The following RIF1 variants were observed in gnomAD, a reference collection of about 807,000 sequenced individuals.
The protein encoded by RIF1 is telomere-associated protein RIF1.
Under a neutral mutation model 247.1 loss-of-function variants are expected in RIF1, and 45 were observed. The observed-to-expected ratio is 0.18, with a 90% CI of 0.14 to 0.23. The LOEUF (loss-of-function observed/expected upper bound fraction) is 0.23, where lower values mean the gene tolerates loss of function less well. RIF1 is among the 10% of genes least tolerant of loss of function. RIF1 has a pLI of 1.00. For synonymous variants in RIF1, 1,087 were observed against 978.8 expected, an observed-to-expected ratio of 1.11 and a Z score of -2.06; for missense variants, 2,967 against 2,862.5, an observed-to-expected ratio of 1.04 and a Z score of -0.83.
intron 10 of RIF1, chr2:151,497,497 T>C: frequency 2.0e-6 from 3 of 1,485,932 alleles, no homozygotes; most frequent in Non-Finnish European, 2.7e-6. Flanking sequence ...GAAAAAAGGA[T>C]AAATTTGCTA....
intron 16 of RIF1, among the ~76,000 whole-genome samples, chr2:151,442,767 ATTTT>A (rs59128582): frequency 0.26 from 26,485 of 103,018 alleles, 2,471 homozygotes; most frequent in Non-Finnish European, 0.34. Flanking sequence ...AAAGAGCTTG[ATTTT>A]TTTTTTTTTT....
chr2:151,510,346 A>G (rs1286710263), downstream of RIF1, among the ~76,000 whole-genome samples: 1 of 152,212 alleles, frequency 6.6e-6, no homozygotes, highest in African/African-American at 2.4e-5. Context: ...GCCTAGCCGA[A>G]ACTTTTGGTG....
In RIF1 at chr2:151,481,055, A is replaced by G. The variant is rs1243742600; in HGVS notation, c.*5984A>G. The G allele has an allele frequency of 6.6e-6, 1 of 152,166 alleles. No individual in the cohort carries two copies. The highest frequency in any genetic ancestry group is 1.5e-5 in the Non-Finnish European group (1 of 68,008). The allele number at this position is 152,166 out of a possible 1,614,324, so 9.4% of individuals were successfully genotyped here. A position where few individuals can be genotyped will look rare whatever the true frequency, so the allele number is the denominator to read the frequency against. ...AAGTTTTATTGGAACAGCTGTGCTT[A>G]TTGTCTTTAGCTGCTTTCCTGGTAC... On this transcript the variant is annotated 3_prime_UTR_variant, in exon 36 of 36. Transcript: ENST00000444746.
Position 151,480,435 on chromosome 2 carries a change from TAG to T in RIF1, c.*5370_*5371del, listed in dbSNP as rs1353959780. ...GAATTTTAATGCATAGTACATTTAG[TAG>T]AGAGACAAGCTGTCCTATATACTCC... On this transcript the variant is annotated 3_prime_UTR_variant, in exon 36 of 36. Transcript: ENST00000444746. 1 of 152,184 alleles carries T rather than the reference TAG, an allele frequency of 6.6e-6. No homozygotes were observed. Among genetic ancestry groups the T allele is most frequent in the Non-Finnish European group, 1.5e-5 (1 of 68,006 alleles). The allele number at this position is 152,184 out of a possible 1,614,324, so 9.4% of individuals were successfully genotyped here.
intron 34 of RIF1, 107 bp downstream of exon 34, chr2:151,469,971 C>T (rs1313802626): frequency 1.3e-6 from 1 of 777,412 alleles, no homozygotes. Context: ...GAAATTGATT[C>T]ATTTATTTTG....
Position 151,436,870 on chromosome 2 carries a change from C to T in RIF1, c.1239C>T (p.Asn413=), listed in dbSNP as rs770241388. 4.0e-5 allele frequency: 65 copies of T among 1,612,178 alleles called. No homozygotes were observed. In the East Asian group the frequency reaches 1.5e-3, roughly 36 times the overall value. The change falls in exon 12 of 36, where the codon AAC becomes AAT. Residue 413 remains asparagine (N), a synonymous_variant. Transcript: ENST00000444746. ...GAGCCCCGGGAACTCCCCGAATGAA[C>T]CTGAGTTCGAATTTAGGTGGAATGG... ...PYGAPGTPRM[N]LSSNLGGMAT... is the part of the protein sequence containing the mutation.
the RIF1 span, chr2:151,531,206 T>C: frequency 1.3e-6 from 1 of 755,780 alleles, no homozygotes; most frequent in Admixed American, 2.2e-5. Context: ...GGAAAGAGAA[T>C]TCTATGAATT....
chr2:151,487,615 C>G (rs1326259657), intron 9 of RIF1, among the ~76,000 whole-genome samples: 1 of 152,036 alleles, frequency 6.6e-6, no homozygotes, highest in Non-Finnish European at 1.5e-5. Context: ...TTTCATTTTT[C>G]TGGACATTTA....
At position 151,465,972 on chromosome 2, in the gene RIF1, T is replaced by G; in HGVS notation, c.6452T>G (p.Leu2151Arg). 6.2e-7 allele frequency: 1 copy of G among 1,614,174 alleles called. No homozygotes were observed. The highest frequency in any genetic ancestry group is 8.5e-7 in the Non-Finnish European group (1 of 1,179,990). Reference protein sequence around the residue: ...NNASPQKLRELDPSLVSANDS... With the variant: ...NNASPQKLRERDPSLVSANDS... ...GCATCTCCTCAAAAACTAAGGGAAC[T>G]TGATCCTTCACTTGTGTCAGCAAAT... Residue 2151 changes from leucine (L) to arginine (R), a missense_variant, in exon 30 of 36, where the codon CTT (leucine) becomes CGT (arginine). Physicochemically the swap from Leu to Arg is moderately radical, Grantham distance 102. Transcript: ENST00000444746.
chr2:151,467,521 T>C (rs1191054639), intron 30 of RIF1, among the ~76,000 whole-genome samples: 4 of 152,084 alleles, frequency 2.6e-5, no homozygotes, highest in Admixed American at 1.3e-4. Flanking sequence ...ATTTTTGTAC[T>C]TTTAGTAGAG....
rs1308206403 is a variant in RIF1, at chr2:151,440,097, G to A, written c.1617G>A (p.Lys539=). Residue 539 remains lysine, a synonymous_variant, in exon 15 of 36, where the codon AAG becomes AAA. Transcript: ENST00000444746. ...LLLKSLESIV[K]SEVFPVSKTL... Reference sequence around the variant, plus strand: ...TAAAGTCTTTGGAAAGCATAGTAAAGTCTGAAGTATTTCCTGTATCAAAAA... The same window carrying A: ...TAAAGTCTTTGGAAAGCATAGTAAAATCTGAAGTATTTCCTGTATCAAAAA... 1.3e-6 allele frequency: 2 copies of A among 1,589,664 alleles called. No homozygotes were observed. The highest frequency in any genetic ancestry group is 1.1e-5 in the South Asian group (1 of 87,628).
chr2:151,415,196 A>G lies in RIF1; in HGVS notation c.280+277A>G, dbSNP rs547908453. On this transcript the variant is annotated intron_variant, in intron 4 of 35. Transcript: ENST00000444746. Reference sequence around the variant, plus strand: ...CCCCGTCTGTACTAAAAATACAAAAAATTAGCCGGGCACCGTGGCGGGCGC... The same window carrying G: ...CCCCGTCTGTACTAAAAATACAAAAGATTAGCCGGGCACCGTGGCGGGCGC... Among the ~76,000 whole-genome samples the G allele has an allele frequency of 2.2e-3, 337 of 151,952 alleles. 2 individuals are homozygous for G. Among genetic ancestry groups the G allele is most frequent in the African/African-American group, 7.9e-3 (326 of 41,442 alleles).
intron 27 of RIF1, 103 bp from the exon 28 acceptor site, chr2:151,462,138 GC>G (rs1422822989): frequency 6.0e-6 from 4 of 667,510 alleles, no homozygotes; most frequent in Non-Finnish European, 9.4e-6. Flanking sequence ...CTCCCAAAGT[GC>G]TGGGATTACA....
At chr2:151,514,315 T>C in the RIF1 span, 17 of 1,598,768 alleles carry the variant, frequency 1.1e-5, no homozygotes, top group Admixed American at 1.7e-5. Context: ...GCTGTGGGCC[T>C]ACCTCATTGA....
Position 151,463,190 on chromosome 2 carries a change from T to C in RIF1, c.3670T>C (p.Leu1224=). The C allele has an allele frequency of 6.2e-7, 1 of 1,614,136 alleles. No homozygotes were observed. Among genetic ancestry groups the C allele is most frequent in the Non-Finnish European group, 8.5e-7 (1 of 1,180,010 alleles). ...AAGTCGGAGGCAAACCTTTATTACTTTGGAGAAGTTTGATGGTTCAGAAAA... is the reference window on the plus strand; with the variant it reads ...AAGTCGGAGGCAAACCTTTATTACTCTGGAGAAGTTTGATGGTTCAGAAAA... ...PTSRRQTFIT[L]EKFDGSENRP... is the part of the protein sequence containing the mutation. The change falls in exon 30 of 36, where the codon TTG becomes CTG. Residue 1224 remains leucine (L), a synonymous_variant. Transcript: ENST00000444746.
rs373350286 is a variant in RIF1, at chr2:151,430,793, A to T, written c.925+1871A>T. Among the ~76,000 whole-genome samples, 21 of 150,462 alleles carry T rather than the reference A, an allele frequency of 1.4e-4. 1 individual carries two copies. In the East Asian group the frequency reaches 3.6e-3, roughly 26 times the overall value. Reference sequence around the variant, plus strand: ...TCAGCCCCCCCAAGTAGCTGGGACTACAGGCGTGTGCCACCATTTCTGGCT... The same window carrying T: ...TCAGCCCCCCCAAGTAGCTGGGACTTCAGGCGTGTGCCACCATTTCTGGCT... On this transcript the variant is annotated intron_variant, in intron 9 of 35. Transcript: ENST00000444746.
rs544878064 is a variant in RIF1, at chr2:151,481,723, A to G, written c.*6652A>G. 10 of 152,358 alleles carry G rather than the reference A, an allele frequency of 6.6e-5. No individual in the cohort carries two copies. The highest frequency in any genetic ancestry group is 2.4e-4 in the African/African-American group (10 of 41,586). The allele number at this position is 152,358 out of a possible 1,614,324, so 9.4% of individuals were successfully genotyped here. On this transcript the variant is annotated 3_prime_UTR_variant, in exon 36 of 36. Coordinates refer to ENST00000444746, the MANE Select transcript of RIF1 (RefSeq NM_018151.5). ...TGCAGTCAGTTTTATTTGATTGTGT[A>G]ATGCTTTATACTAGGGGTCTCAAAC...
downstream of RIF1, chr2:151,486,892 T>A (rs537255388): frequency 2.6e-5 from 4 of 151,616 alleles, no homozygotes; most frequent in South Asian, 8.3e-4. Flanking sequence ...CCAGCATTTG[T>A]TTGTTTGTTT....
chr2:151,481,869 C>T lies in RIF1; in HGVS notation c.*6798C>T, dbSNP rs2049181960. 1 of 152,234 alleles carries T rather than the reference C, an allele frequency of 6.6e-6. No homozygotes were observed. The highest frequency in any genetic ancestry group is 1.5e-5 in the Non-Finnish European group (1 of 68,052). 9.4% of individuals were successfully genotyped at this position (152,234 alleles called of 1,614,324 possible). On this transcript the variant is annotated 3_prime_UTR_variant, in exon 36 of 36. Transcript: ENST00000444746. ...ACCCGATGATCTGAGGTGGAACAGTCTCATCCTGAAACCATCTACCCCAAC... is the reference window on the plus strand; with the variant it reads ...ACCCGATGATCTGAGGTGGAACAGTTTCATCCTGAAACCATCTACCCCAAC...
Sources: gnomAD v4.1 joint callset for allele counts (sites outside exome capture counted in the v4.1 genomes callset) on GRCh38, gnomAD v4.1.1 for gene constraint, MANE v1.5 for transcripts, NCBI Gene and HGNC (gene_info 2026-07-23, HGNC 2026-07-21) for gene names.